The following SRP68 variants were observed in gnomAD, a reference collection of about 807,000 sequenced individuals.
SRP68 encodes the protein signal recognition particle 68, also known as signal recognition particle subunit SRP68.
SRP68 carries 15 observed loss-of-function variants against 82.2 expected under a neutral mutation model. That is an observed-to-expected ratio of 0.18 (90% CI 0.12 to 0.28). SRP68 has a LOEUF of 0.28. Ranked by LOEUF, SRP68 falls within the 10% of genes least tolerant of loss-of-function variation. SRP68 has a pLI of 1.00. For synonymous variants in SRP68, 261 were observed against 292.6 expected, an observed-to-expected ratio of 0.89 and a Z score of 1.10; for missense variants, 595 against 780.5, an observed-to-expected ratio of 0.76 and a Z score of 2.83.
intron 6 of SRP68, chr17:76,060,680 G>T: frequency 2.6e-6 from 1 of 380,644 alleles, no homozygotes. Flanking sequence ...GACTTTGGGA[G>T]ATGATGGTGT....
Position 76,072,322 on chromosome 17 carries a change from C to A in SRP68, c.170G>T (p.Ser57Ile). 1 of 1,612,306 alleles carries A rather than the reference C, an allele frequency of 6.2e-7. No homozygotes were observed. Among genetic ancestry groups the A allele is most frequent in the Non-Finnish European group, 8.5e-7 (1 of 1,179,482 alleles). Residue 57 changes from serine to isoleucine, a missense_variant, in exon 1 of 16, where the codon AGC (serine) becomes ATC (isoleucine). Ser to Ile is a moderately radical substitution (Grantham distance 142, BLOSUM62 -2). Coordinates refer to ENST00000307877, the MANE Select transcript of SRP68 (RefSeq NM_014230.4). The surrounding 1 kb of genome is among the most constrained non-coding windows in gnomAD (Gnocchi z 4.5). The stretch of plus-strand genomic sequence containing the variant: ...CTCTAGGATACTCTCCAAACTCAGG[C>A]TATCCCCAAATTCTTTGTTTGCCTT... Reference protein sequence around the residue: ...GSKANKEFGDSLSLEILQIIK... With the variant: ...GSKANKEFGDILSLEILQIIK...
chr17:76,045,166 C>G, intron 12 of SRP68, 126 bp downstream of exon 12: 2 of 714,952 alleles, frequency 2.8e-6, no homozygotes, highest in African/African-American at 3.5e-5. Context: ...TGACCTTCCT[C>G]TGATCACAGG....
intron 8 of SRP68, chr17:76,053,347 A>T: frequency 6.7e-6 from 3 of 447,136 alleles, no homozygotes; most frequent in Non-Finnish European, 5.9e-6. Context: ...CGCCCGTTTT[A>T]ATTCCATGCA....
At chr17:76,069,775 GA>G (rs527828363) in intron 2 of SRP68, among the ~76,000 whole-genome samples, 7,811 of 135,508 alleles carry the variant, frequency 0.058, 265 homozygotes, top group Admixed American at 0.12. Context: ...TTATTTAAAA[GA>G]AAAAAAAAAA....
At chr17:76,050,729 G>A (rs28430683) in intron 8 of SRP68, among the ~76,000 whole-genome samples, 4,012 of 148,604 alleles carry the variant, frequency 0.027, 405 homozygotes, top group Middle Eastern at 0.076. Flanking sequence ...ATATGGAAAG[G>A]GGAGTTCTAT....
At chr17:76,055,645 T>A (rs1477058074) in intron 8 of SRP68, among the ~76,000 whole-genome samples, 1 of 151,176 alleles carries the variant, frequency 6.6e-6, no homozygotes, top group African/African-American at 2.4e-5. Context: ...TCCCAGCTAC[T>A]CTGGAGGCTG....
At chr17:76,044,748 T>C (rs1198384657) in intron 12 of SRP68, 1 of 152,504 alleles carries the variant, frequency 6.6e-6, no homozygotes, top group African/African-American at 2.4e-5. Context: ...TGTTTTTGTT[T>C]TTTTTGAGAT....
chr17:76,046,899 C>T (rs2066636471), intron 10 of SRP68, among the ~76,000 whole-genome samples: 1 of 152,142 alleles, frequency 6.6e-6, no homozygotes, highest in Non-Finnish European at 1.5e-5. Context: ...CAAGATTGCG[C>T]CACTGCACTC....
rs981501918 is a variant in SRP68, at chr17:76,047,836, T to G, written c.1142+70A>C. ...AATTATAAATGTAAATATACATAAA[T>G]ATTACATATACTCTTTTGTTCAAAT... On this transcript the variant is annotated intron_variant, in intron 10 of 15. Coordinates refer to ENST00000307877, the MANE Select transcript of SRP68 (RefSeq NM_014230.4). 3.3e-5 allele frequency: 25 copies of G among 765,944 alleles called. No homozygotes were observed. In the African/African-American group the frequency reaches 4.7e-4, roughly 14 times the overall value. The allele number at this position is 765,944 out of a possible 1,614,324, so 47.4% of individuals were successfully genotyped here.
intron 12 of SRP68, among the ~76,000 whole-genome samples, 187 bp from the exon 13 acceptor site, chr17:76,044,145 A>C (rs1344964144): frequency 1.3e-5 from 2 of 152,206 alleles, no homozygotes; most frequent in African/African-American, 4.8e-5. Context: ...GCTTCCCAGC[A>C]ATCAGAGATG....
chr17:76,063,743 A>C (rs892447996), intron 4 of SRP68, among the ~76,000 whole-genome samples: 1 of 151,952 alleles, frequency 6.6e-6, no homozygotes, highest in Non-Finnish European at 1.5e-5. Context: ...GCTTGGGAAT[A>C]CTCATTCTAT....
At chr17:76,040,793 A>G in intron 14 of SRP68, 110 bp downstream of exon 14, 1 of 1,056,410 alleles carries the variant, frequency 9.5e-7, no homozygotes, top group South Asian at 1.4e-5. Context: ...CATCTTACAG[A>G]TGAACCAAGA....
At position 76,071,303 on chromosome 17, in the gene SRP68, AAAG is replaced by A. The variant is rs1372815522; in HGVS notation, c.185-862_185-860del. The stretch of plus-strand genomic sequence containing the variant: ...TAAAAGTATTAAGGTTTTTCTTTCA[AAAG>A]AAGAATGGCCAGATTCTCCTTTTAA... On this transcript the variant is annotated intron_variant, in intron 1 of 15. Transcript: ENST00000307877. The surrounding 1 kb of genome is among the most constrained non-coding windows in gnomAD (Gnocchi z 4.7). 2.6e-5 allele frequency among the ~76,000 whole-genome samples: 4 copies of A among 152,352 alleles called. No individual in the cohort carries two copies. Among genetic ancestry groups the A allele is most frequent in the Admixed American group, 6.5e-5 (1 of 15,300 alleles).
Position 76,045,308 on chromosome 17 carries a change from C to G in SRP68, c.1378G>C (p.Val460Leu). ...FQKEIGLKTL[V>L]FKAYRCFFIA... The stretch of plus-strand genomic sequence containing the variant: ...GGACGTTACCTGTAAGCTTTGAACA[C>G]CAGAGTCTTGAGGCCTATCTCTTTC... The change falls in exon 12 of 16, where the codon GTG (valine) becomes CTG (leucine). Residue 460 changes from valine (V) to leucine (L), a missense_variant. By Grantham distance (32) the Val-to-Leu change is conservative. Transcript: ENST00000307877. 1 of 1,613,670 alleles carries G rather than the reference C, an allele frequency of 6.2e-7. No homozygotes were observed. Among genetic ancestry groups the G allele is most frequent in the South Asian group, 1.1e-5 (1 of 91,042 alleles).
At position 76,070,859 on chromosome 17, in the gene SRP68, C is replaced by CACACACACACAA. The variant is rs1396884438; in HGVS notation, c.185-416_185-415insTTGTGTGTGTGT. Among the ~76,000 whole-genome samples, 6 of 150,488 alleles carry CACACACACACAA rather than the reference C, an allele frequency of 4.0e-5. No individual in the cohort carries two copies. The East Asian group carries it at 1.2e-3, about 29-fold the overall frequency. On this transcript the variant is annotated intron_variant, in intron 1 of 15. Transcript: ENST00000307877. ...AGTCACACATGCACATGCACACACA[C>CACACACACACAA]ACACACACACACACACACACAAATT...
intron 12 of SRP68, 45 bp downstream of exon 12, chr17:76,045,247 G>T: frequency 6.8e-7 from 1 of 1,480,410 alleles, no homozygotes. Flanking sequence ...AATGCTTATA[G>T]AACCTGGGAG....
intron 14 of SRP68, 136 bp downstream of exon 14, chr17:76,040,767 A>C: frequency 1.2e-6 from 1 of 842,566 alleles, no homozygotes; most frequent in South Asian, 1.6e-5. Context: ...CAGCTGGCAC[A>C]AGTAAAGGCC....
intron 8 of SRP68, 143 bp downstream of exon 8, chr17:76,057,260 A>G: frequency 1.2e-6 from 1 of 840,704 alleles, no homozygotes; most frequent in South Asian, 2.0e-5. Context: ...TCAATAAGGC[A>G]CATCTCCGTA....
At chr17:76,055,795 C>CT (rs1269495100) in intron 8 of SRP68, among the ~76,000 whole-genome samples, 3 of 140,968 alleles carry the variant, frequency 2.1e-5, no homozygotes, top group South Asian at 4.4e-4. Context: ...AAGTTATTAA[C>CT]TTTTTTTTCT....
Sources: gnomAD v4.1 joint callset for allele counts (sites outside exome capture counted in the v4.1 genomes callset) on GRCh38, gnomAD v4.1.1 for gene constraint, Gnocchi (gnomAD v3.1) non-coding constraint, MANE v1.5 for transcripts, NCBI Gene and HGNC (gene_info 2026-07-23, HGNC 2026-07-21) for gene names.